The following NREP variants were observed in gnomAD, a reference collection of about 807,000 sequenced individuals.
The protein encoded by NREP is neuronal regeneration-related protein.
In NREP, 5 loss-of-function variants were observed where a neutral mutation model predicts 8.6. The observed-to-expected ratio is 0.58, with a 90% CI of 0.30 to 1.22. The LOEUF (loss-of-function observed/expected upper bound fraction) is 1.22. Ranked by LOEUF, NREP falls within the 50% of genes most tolerant of loss-of-function variation. NREP has a pLI of 0.07. For synonymous variants in NREP, 27 were observed against 28.0 expected, an observed-to-expected ratio of 0.96 and a Z score of 0.11; for missense variants, 86 against 82.5, an observed-to-expected ratio of 1.04 and a Z score of -0.17.
At chr5:111,898,155 C>T (rs558665231) in intron 2 of NREP, among the ~76,000 whole-genome samples, 20 of 152,070 alleles carry the variant, frequency 1.3e-4, no homozygotes, top group Non-Finnish European at 2.8e-4. Flanking sequence ...AGAGCAGTGG[C>T]GTAATCTAAT....
At chr5:111,754,967 C>T (rs1317780882) in intron 2 of NREP, among the ~76,000 whole-genome samples, 1 of 152,172 alleles carries the variant, frequency 6.6e-6, no homozygotes, top group East Asian at 1.9e-4. Flanking sequence ...AGAGTATAAA[C>T]ATCTGCAGTA....
In NREP at chr5:111,975,426, G is replaced by T. The variant is rs1176687609; in HGVS notation, c.31-48C>A. On this transcript the variant is annotated intron_variant, in intron 1 of 3. Transcript: ENST00000395634. ...AAAACGTGAGCACTGACCCCCCTGA[G>T]TGCCACAACTCACAGCTCCAGCAAT... The T allele has an allele frequency of 2.9e-5, 38 of 1,309,004 alleles. No homozygotes were observed. In the East Asian group the frequency reaches 9.6e-4, roughly 33 times the overall value. The allele number at this position is 1,309,004 out of a possible 1,614,324, so 81.1% of individuals were successfully genotyped here.
chr5:111,914,849 A>G (rs2112568643), intron 2 of NREP, among the ~76,000 whole-genome samples: 1 of 152,206 alleles, frequency 6.6e-6, no homozygotes, highest in South Asian at 2.1e-4. Flanking sequence ...TAAACATGCA[A>G]TTTTATCTGA....
upstream of NREP, chr5:111,757,429 TCTCTCTCTCCCTTTCC>T (rs1208925203): frequency 1.7e-4 from 170 of 983,648 alleles, no homozygotes; most frequent in Non-Finnish European, 2.0e-4. Flanking sequence ...TCTAAGAGTC[TCTCTCTCTCCCTTTCC>T]CTCTCTCTCC....
chr5:111,915,248 GC>G (rs1399144618), intron 2 of NREP, among the ~76,000 whole-genome samples: 1 of 152,088 alleles, frequency 6.6e-6, no homozygotes, highest in African/African-American at 2.4e-5. Context: ...CAGTGTTCTG[GC>G]CTCAGGTCAG....
At chr5:111,732,594 T>G (rs1455294944) in intron 3 of NREP, 12 of 150,344 alleles carry the variant, frequency 8.0e-5, no homozygotes, top group Non-Finnish European at 1.5e-4. Context: ...AGCATAATAT[T>G]GGGTAGTTAC....
intron 2 of NREP, among the ~76,000 whole-genome samples, chr5:111,857,504 A>T (rs1753451142): frequency 6.6e-6 from 1 of 152,192 alleles, no homozygotes; most frequent in African/African-American, 2.4e-5. Flanking sequence ...ATCAAACTCT[A>T]GTAGTCTTAA....
At chr5:111,753,910 C>CT (rs1043689150) in intron 2 of NREP, among the ~76,000 whole-genome samples, 1 of 151,828 alleles carries the variant, frequency 6.6e-6, no homozygotes, top group African/African-American at 2.4e-5. Context: ...AAAGTGAAAC[C>CT]TTTTTTTACA....
chr5:111,925,159 C>T (rs972409921), intron 2 of NREP, among the ~76,000 whole-genome samples: 3 of 152,056 alleles, frequency 2.0e-5, no homozygotes, highest in African/African-American at 7.2e-5. Context: ...CCAGAATCAC[C>T]CAGGGCTCCT....
chr5:111,844,090 C>A (rs895540826), intron 2 of NREP, among the ~76,000 whole-genome samples: 4 of 151,464 alleles, frequency 2.6e-5, no homozygotes, highest in Non-Finnish European at 4.4e-5. Context: ...TCTGATGCAG[C>A]AATATTAATA....
At chr5:111,783,814 C>G (rs1040763091) in intron 2 of NREP, among the ~76,000 whole-genome samples, 2 of 152,100 alleles carry the variant, frequency 1.3e-5, no homozygotes, top group African/African-American at 4.8e-5. Context: ...TCTTACTCAC[C>G]TTTTATCCCT....
intron 1 of NREP, among the ~76,000 whole-genome samples, chr5:111,756,735 G>A (rs1468885512): frequency 6.6e-6 from 1 of 152,124 alleles, no homozygotes; most frequent in African/African-American, 2.4e-5. Context: ...GTGTAAGGGC[G>A]GAGGGACACA....
intron 2 of NREP, among the ~76,000 whole-genome samples, chr5:111,737,063 G>C (rs923057429): frequency 2.0e-5 from 3 of 152,122 alleles, no homozygotes; most frequent in African/African-American, 7.2e-5. Flanking sequence ...TTTGGACTGG[G>C]TCTGTTTTCT....
intron 2 of NREP, among the ~76,000 whole-genome samples, chr5:111,740,610 A>G (rs1311110551): frequency 6.6e-6 from 1 of 152,160 alleles, no homozygotes; most frequent in Non-Finnish European, 1.5e-5. Context: ...TAGTGCTCCA[A>G]ATGAGAAAAA....
intron 2 of NREP, among the ~76,000 whole-genome samples, chr5:111,945,428 A>C (rs1455863004): frequency 8.2e-5 from 10 of 122,216 alleles, no homozygotes; most frequent in East Asian, 2.8e-4. Context: ...GCTATCCCTC[A>C]CCCCTCCCCC....
chr5:111,949,692 T>C (rs1399272444), intron 2 of NREP, among the ~76,000 whole-genome samples: 1 of 152,088 alleles, frequency 6.6e-6, no homozygotes. Context: ...TCGTTTTCTG[T>C]TTCTGTGTTA....
rs182998406 is a variant in NREP at position 111,893,282 on chromosome 5, C to T, written c.135+81992G>A. ...TAGGGAAATAACACAAAAACATTAA[C>T]TTGGGCAATACTCAGTTGATAGATT... On this transcript the variant is annotated intron_variant, in intron 2 of 3. Coordinates refer to the NREP transcript ENST00000395634. 1.8e-4 allele frequency among the ~76,000 whole-genome samples: 27 copies of T among 152,238 alleles called. No homozygotes were observed. The East Asian group carries it at 4.6e-3, about 26-fold the overall frequency.
At chr5:111,975,546 C>G (rs1048364329) in intron 1 of NREP, among the ~76,000 whole-genome samples, 1 of 152,110 alleles carries the variant, frequency 6.6e-6, no homozygotes, top group Non-Finnish European at 1.5e-5. Flanking sequence ...CATGAAGACT[C>G]TTTTGAGAAG....
intron 2 of NREP, among the ~76,000 whole-genome samples, chr5:111,826,287 G>T (rs1171862603): frequency 1.3e-5 from 2 of 152,174 alleles, no homozygotes; most frequent in Non-Finnish European, 2.9e-5. Context: ...CAATCAGCAG[G>T]ATGTGGGTGG....
Sources: gnomAD v4.1 joint callset for allele counts (sites outside exome capture counted in the v4.1 genomes callset) on GRCh38, gnomAD v4.1.1 for gene constraint, MANE v1.5 for transcripts, NCBI Gene and HGNC (gene_info 2026-07-23, HGNC 2026-07-21) for gene names.